GPC6: variants seen among roughly 807,000 people sequenced by gnomAD.
GPC6 encodes glypican 6.
In GPC6, 14 loss-of-function variants were observed where a neutral mutation model predicts 55.2. The observed-to-expected ratio is 0.25, with a 90% CI of 0.17 to 0.40. The LOEUF is 0.40. Among genes scored for constraint, GPC6 ranks in the 10% least tolerant of loss-of-function variants. The probability of loss-of-function intolerance (pLI) is 1.00; values close to 1 mark genes in which losing one functional copy is unlikely to be tolerated. For missense variants in GPC6, 641 were observed against 708.5 expected (o/e 0.90, Z 1.08); for synonymous variants, 278 against 259.6 (o/e 1.07, Z -0.68).
intron 1 of GPC6, among the ~76,000 whole-genome samples, chr13:93,403,311 A>G (rs1876158495): frequency 6.6e-6 from 1 of 152,142 alleles, no homozygotes; most frequent in South Asian, 2.1e-4. Context: ...AGGGTGATTC[A>G]ATTTCAGGTC....
chr13:93,872,453 A>G (rs1889158273), intron 3 of GPC6, among the ~76,000 whole-genome samples: 1 of 151,998 alleles, frequency 6.6e-6, no homozygotes, highest in Admixed American at 6.6e-5. Flanking sequence ...GATTTATCCT[A>G]TTACAGTTGT....
chr13:94,252,381 T>C (rs927823626), intron 4 of GPC6, among the ~76,000 whole-genome samples: 1 of 152,176 alleles, frequency 6.6e-6, no homozygotes, highest in Non-Finnish European at 1.5e-5. Flanking sequence ...TTCTTGGCTC[T>C]GGTGATGTCT....
intron 1 of GPC6, among the ~76,000 whole-genome samples, chr13:93,283,794 G>A (rs1344360796): frequency 1.3e-5 from 2 of 152,166 alleles, no homozygotes; most frequent in South Asian, 4.1e-4. Context: ...TATGGGTGCT[G>A]TTATTACATT....
intron 2 of GPC6, among the ~76,000 whole-genome samples, chr13:93,822,466 C>CT (rs1485206286): frequency 6.6e-6 from 1 of 152,116 alleles, no homozygotes; most frequent in East Asian, 1.9e-4. Flanking sequence ...TTTTATTACA[C>CT]TTTACATTCT....
chr13:93,941,826 A>G (rs1688609295), intron 3 of GPC6, among the ~76,000 whole-genome samples: 1 of 152,228 alleles, frequency 6.6e-6, no homozygotes, highest in African/African-American at 2.4e-5. Context: ...AAAAGGCATT[A>G]TATCCTTAGC....
At chr13:93,646,296 A>G (rs1294964457) in intron 2 of GPC6, among the ~76,000 whole-genome samples, 3 of 152,186 alleles carry the variant, frequency 2.0e-5, no homozygotes, top group South Asian at 2.1e-4. Flanking sequence ...GTCCCAAGCT[A>G]TGTTTTGAGT....
Position 94,407,945 on chromosome 13 carries a change from A to C in GPC6, c.*4728A>C, listed in dbSNP as rs1040790655. On this transcript the variant is annotated 3_prime_UTR_variant, in exon 9 of 9. Transcript: ENST00000377047. ...TTGAAAATTATTCATTCCTTAATGC[A>C]GCTAATCATAATTATTACAGATAAA... 2.6e-5 allele frequency among the ~76,000 whole-genome samples: 4 copies of C among 152,202 alleles called. No homozygotes were observed. Among genetic ancestry groups the C allele is most frequent in the Non-Finnish European group, 5.9e-5 (4 of 68,020 alleles).
chr13:93,309,948 C>T (rs1886206), intron 1 of GPC6, among the ~76,000 whole-genome samples: 3,207 of 152,226 alleles, frequency 0.021, 94 homozygotes, highest in African/African-American at 0.073. Flanking sequence ...TGATTAACTA[C>T]GTGGTCACTG....
chr13:94,107,470 C>T (rs187586798), intron 4 of GPC6, among the ~76,000 whole-genome samples: 52 of 152,016 alleles, frequency 3.4e-4, no homozygotes, highest in African/African-American at 1.2e-3. Context: ...TCTTTTTGGG[C>T]TCAAATATAG....
intron 4 of GPC6, among the ~76,000 whole-genome samples, chr13:94,116,315 G>A (rs1305276614): frequency 6.6e-6 from 1 of 151,888 alleles, no homozygotes; most frequent in Non-Finnish European, 1.5e-5. Context: ...GTGTTACGGT[G>A]GTGAACGAGA....
At chr13:93,791,541 G>T (rs1424923993) in intron 2 of GPC6, among the ~76,000 whole-genome samples, 2 of 152,128 alleles carry the variant, frequency 1.3e-5, no homozygotes, top group Admixed American at 1.3e-4. Context: ...TGACTAGATA[G>T]TATTATATGT....
intron 2 of GPC6, among the ~76,000 whole-genome samples, chr13:93,546,858 CAAAG>C (rs1020304539): frequency 7.2e-5 from 11 of 152,124 alleles, no homozygotes; most frequent in Non-Finnish European, 1.2e-4. Flanking sequence ...AACAAACAAA[CAAAG>C]AAAGAAACAA....
intron 3 of GPC6, among the ~76,000 whole-genome samples, chr13:93,950,384 TAAAC>T (rs1879200098): frequency 6.6e-6 from 1 of 152,182 alleles, no homozygotes; most frequent in South Asian, 2.1e-4. Flanking sequence ...ACTGAAATAA[TAAAC>T]AAGTATAAAA....
At chr13:93,403,961 T>A (rs766120446) in intron 1 of GPC6, among the ~76,000 whole-genome samples, 37 of 152,276 alleles carry the variant, frequency 2.4e-4, no homozygotes, top group South Asian at 1.9e-3. Flanking sequence ...ATGCTTTCTG[T>A]CTTCATGGAA....
At chr13:93,228,230 T>C (rs1210274216) in intron 1 of GPC6, among the ~76,000 whole-genome samples, 1 of 152,090 alleles carries the variant, frequency 6.6e-6, no homozygotes, top group African/African-American at 2.4e-5. Context: ...GTTTCAAGGC[T>C]GGTTTGGGGA....
chr13:93,555,325 C>A (rs773803128), intron 2 of GPC6, among the ~76,000 whole-genome samples: 4 of 152,120 alleles, frequency 2.6e-5, no homozygotes, highest in Non-Finnish European at 5.9e-5. Flanking sequence ...TCATTAAGTT[C>A]AGAGATTAGG....
intron 1 of GPC6, among the ~76,000 whole-genome samples, chr13:93,239,605 T>G (rs377695195): frequency 8.1e-4 from 123 of 152,100 alleles, no homozygotes; most frequent in African/African-American, 2.9e-3. Context: ...CATTGATCTT[T>G]GTATTTTTTT....
intron 1 of GPC6, among the ~76,000 whole-genome samples, chr13:93,419,783 A>T (rs1443507719): frequency 6.6e-6 from 1 of 152,114 alleles, no homozygotes. Flanking sequence ...GAACTTGTTA[A>T]GAATTGTAGG....
At chr13:93,774,973 G>C (rs1353089396) in intron 2 of GPC6, among the ~76,000 whole-genome samples, 1 of 152,118 alleles carries the variant, frequency 6.6e-6, no homozygotes, top group Non-Finnish European at 1.5e-5. Context: ...CAAAGGGTGA[G>C]AAAAGGACAT....
Sources: gnomAD v4.1 joint callset for allele counts (sites outside exome capture counted in the v4.1 genomes callset) on GRCh38, gnomAD v4.1.1 for gene constraint, MANE v1.5 for transcripts, NCBI Gene and HGNC (gene_info 2026-07-23, HGNC 2026-07-21) for gene names.